Variants in VIT observed in about 807,000 individuals in gnomAD.
VIT encodes the protein vitrin.
A neutral mutation model predicts 78.0 loss-of-function variants in VIT; 99 were observed. The observed-to-expected ratio is 1.27, with a 90% CI of 1.08 to 1.50. The LOEUF (loss-of-function observed/expected upper bound fraction) is 1.50, where lower values mean the gene tolerates loss of function less well. VIT is among the 40% of genes most tolerant of loss of function. The probability of loss-of-function intolerance (pLI) is 0.00; values close to 1 mark genes in which losing one functional copy is unlikely to be tolerated. For synonymous variants in VIT, 374 were observed against 334.3 expected, an observed-to-expected ratio of 1.12 and a Z score of -1.29; for missense variants, 1,126 against 875.3, an observed-to-expected ratio of 1.29 and a Z score of -3.61.
At chr2:36,753,413 C>A (rs1363800314) in intron 4 of VIT, among the ~76,000 whole-genome samples, 1 of 152,142 alleles carries the variant, frequency 6.6e-6, no homozygotes, top group Admixed American at 6.6e-5. Flanking sequence ...CAGGTGTCCG[C>A]GGCACCTTCT....
intron 12 of VIT, among the ~76,000 whole-genome samples, chr2:36,795,543 G>T (rs964106256): frequency 2.6e-5 from 4 of 152,042 alleles, no homozygotes; most frequent in Middle Eastern, 3.4e-3. Flanking sequence ...CTCCCGAGTA[G>T]CTGGGATTAC....
At chr2:36,813,216 G>A (rs948386989) in intron 15 of VIT, among the ~76,000 whole-genome samples, 10 of 151,750 alleles carry the variant, frequency 6.6e-5, no homozygotes, top group Non-Finnish European at 7.4e-5. Flanking sequence ...TTGGGAGGCC[G>A]AGGCAGGAGG....
chr2:36,774,531 C>T (rs1433569534), intron 8 of VIT: 2 of 985,308 alleles, frequency 2.0e-6, no homozygotes, highest in Non-Finnish European at 2.4e-6. Context: ...AGAAGCAGGT[C>T]TTCTCCCTGC....
intron 1 of VIT, among the ~76,000 whole-genome samples, chr2:36,713,498 C>T (rs929708546): frequency 6.6e-6 from 1 of 152,194 alleles, no homozygotes; most frequent in Non-Finnish European, 1.5e-5. Flanking sequence ...TGTGGAGTGT[C>T]AGCCGAGAAA....
At chr2:36,729,631 A>G in intron 3 of VIT, 140 bp downstream of exon 3, 5 of 834,308 alleles carry the variant, frequency 6.0e-6, no homozygotes, top group Non-Finnish European at 9.3e-6. Context: ...TTAATTAGTG[A>G]TAAGTCTTAT....
chr2:36,752,441 G>T (rs765250570), intron 4 of VIT, among the ~76,000 whole-genome samples: 3 of 152,184 alleles, frequency 2.0e-5, no homozygotes, highest in Non-Finnish European at 4.4e-5. Flanking sequence ...CTGCAATCAG[G>T]GAGGAGGTGA....
At chr2:36,723,824 G>A (rs552610199) in intron 2 of VIT, among the ~76,000 whole-genome samples, 59 of 152,124 alleles carry the variant, frequency 3.9e-4, no homozygotes, top group Admixed American at 1.4e-3. Context: ...GGTGGCACAC[G>A]TCTGTAAGCC....
chr2:36,806,111 C>A (rs1481637329), intron 14 of VIT, among the ~76,000 whole-genome samples: 1 of 152,172 alleles, frequency 6.6e-6, no homozygotes, highest in Non-Finnish European at 1.5e-5. Flanking sequence ...AGTGAGATCG[C>A]GTTTTCAGAT....
In VIT at chr2:36,696,956, T is replaced by C. The variant is rs1172231760; in HGVS notation, c.-36T>C. ...TGGTGAAAATTTTTTGAAAAAAAAA[T>C]TGCCTTCTTCAAACAAGGTATGTCT... On this transcript the variant is annotated 5_prime_UTR_variant, in exon 1 of 16. Transcript: ENST00000379242. 2.0e-5 allele frequency: 3 copies of C among 152,108 alleles called. No homozygotes were observed. The highest frequency in any genetic ancestry group is 7.2e-5 in the African/African-American group (3 of 41,384). 9.4% of individuals were successfully genotyped at this position (152,108 alleles called of 1,614,324 possible).
At chr2:36,811,727 C>T (rs1299054808) in intron 15 of VIT, among the ~76,000 whole-genome samples, 1 of 149,966 alleles carries the variant, frequency 6.7e-6, no homozygotes, top group South Asian at 2.1e-4. Context: ...GGCTGGAGTG[C>T]AATGGCACAA....
intron 9 of VIT, 23 bp downstream of exon 9, chr2:36,775,090 T>C: frequency 6.2e-7 from 1 of 1,612,858 alleles, no homozygotes; most frequent in Non-Finnish European, 8.5e-7. Context: ...CTGCTTACCA[T>C]CTCTGCTCCC....
rs1669479921 is a variant in VIT at position 36,767,150 on chromosome 2, G to A, written c.544G>A (p.Val182Ile). The A allele has an allele frequency of 1.1e-5, 17 of 1,609,606 alleles. No individual in the cohort carries two copies. The highest frequency in any genetic ancestry group is 1.4e-5 in the Non-Finnish European group (17 of 1,178,212). Residue 182 changes from valine to isoleucine, a missense_variant, in exon 7 of 16, where the codon GTC becomes ATC. Val to Ile is a conservative substitution (Grantham distance 29). Coordinates refer to ENST00000379242, the MANE Select transcript of VIT (RefSeq NM_053276.4). ...TATTCCAGGGACAACTGCACAGCCG[G>A]TCACTCTGATGCAGCTTCTGGCTGT... The part of the protein sequence containing the change: ...PPIPGTTAQP[V>I]TLMQLLAVTV...
At chr2:36,732,485 G>A (rs1667269633) in intron 3 of VIT, among the ~76,000 whole-genome samples, 1 of 152,186 alleles carries the variant, frequency 6.6e-6, no homozygotes, top group Admixed American at 6.5e-5. Flanking sequence ...TTGATCTCCA[G>A]AGTATTTCCA....
At chr2:36,813,173 G>C (rs1310638936) in intron 15 of VIT, among the ~76,000 whole-genome samples, 1 of 151,050 alleles carries the variant, frequency 6.6e-6, no homozygotes. Flanking sequence ...AATGAGGCCA[G>C]GCACGGTGGC....
intron 2 of VIT, among the ~76,000 whole-genome samples, chr2:36,720,241 C>T (rs958491807): frequency 5.3e-5 from 8 of 152,098 alleles, no homozygotes; most frequent in African/African-American, 7.2e-5. Flanking sequence ...CATCCAAATA[C>T]ACTACAAAGC....
chr2:36,759,516 C>T, intron 6 of VIT: 1 of 1,118,020 alleles, frequency 8.9e-7, no homozygotes, highest in South Asian at 2.4e-5. Flanking sequence ...TGTGCCAACT[C>T]AGCTTTCATG....
intron 9 of VIT, among the ~76,000 whole-genome samples, 187 bp from the exon 10 acceptor site, chr2:36,781,540 T>C (rs1479773525): frequency 6.6e-6 from 1 of 152,212 alleles, no homozygotes; most frequent in African/African-American, 2.4e-5. Context: ...GCCTTTGACT[T>C]TAAGAGCTTC....
At position 36,739,686 on chromosome 2, in the gene VIT, C is replaced by G. The variant is rs140212558; in HGVS notation, c.119-3414C>G. 8.7e-3 allele frequency among the ~76,000 whole-genome samples: 1,319 copies of G among 152,102 alleles called. 16 individuals are homozygous for G. Among genetic ancestry groups the G allele is most frequent in the African/African-American group, 0.03 (1,239 of 41,486 alleles). On this transcript the variant is annotated intron_variant, in intron 3 of 15. Transcript: ENST00000379242. ...AGGTGCTCTAATGTGATTTCTGATA[C>G]GAAAGTGAGAGCGTCTATGAGAAGG...
chr2:36,792,714 G>C (rs77647668), intron 12 of VIT, among the ~76,000 whole-genome samples: 1 of 152,082 alleles, frequency 6.6e-6, no homozygotes, highest in African/African-American at 2.4e-5. Context: ...AGTGAAGACC[G>C]GAATATTCTC....
Sources: gnomAD v4.1 joint callset for allele counts (sites outside exome capture counted in the v4.1 genomes callset) on GRCh38, gnomAD v4.1.1 for gene constraint, MANE v1.5 for transcripts, NCBI Gene and HGNC (gene_info 2026-07-23, HGNC 2026-07-21) for gene names.